Variants in FAM13C observed in about 807,000 individuals in gnomAD.
FAM13C encodes the protein protein FAM13C.
FAM13C carries 37 observed loss-of-function variants against 73.2 expected under a neutral mutation model. The observed-to-expected ratio is 0.51, with a 90% confidence interval of 0.39 to 0.67. FAM13C has a LOEUF of 0.67. FAM13C is among the 30% of genes least tolerant of loss of function. The pLI, the probability that FAM13C is intolerant of heterozygous loss-of-function variation, is 0.00. For synonymous variants in FAM13C, 246 were observed against 260.9 expected (o/e 0.94, Z 0.55); for missense variants, 589 against 715.6 (o/e 0.82, Z 2.02).
chr10:59,352,578 T>C, intron 2 of FAM13C, 104 bp from the exon 3 acceptor site: 3 of 1,282,568 alleles, frequency 2.3e-6, no homozygotes, highest in South Asian at 1.6e-5. Flanking sequence ...ATTTATAGGA[T>C]AGACACCTCG....
rs1840789867 is a variant in FAM13C at position 59,247,274 on chromosome 10, CTAAA to C, written c.*336_*339del. 4.4e-6 allele frequency: 1 copy of C among 225,624 alleles called. No individual in the cohort carries two copies. Among genetic ancestry groups the C allele is most frequent in the East Asian group, 1.4e-4 (1 of 7,006 alleles). The allele number at this position is 225,624 out of a possible 1,614,324, so 14.0% of individuals were successfully genotyped here. On this transcript the variant is annotated 3_prime_UTR_variant, in exon 14 of 14. Transcript: ENST00000618804. ...CATCAACATAAACAGTCTTTGGATA[CTAAA>C]TAAACTTTCCCTAACAAGTGTCCTA...
chr10:59,269,417 T>TACACACACACACACACAC (rs10532470), intron 7 of FAM13C, among the ~76,000 whole-genome samples: 56 of 146,658 alleles, frequency 3.8e-4, no homozygotes, highest in African/African-American at 1.0e-3. Context: ...GGCATCCGAT[T>TACACACACACACACACAC]ACACACACAC....
At chr10:59,360,897 A>G (rs2132238162) in intron 1 of FAM13C, 1 of 379,810 alleles carries the variant, frequency 2.6e-6, no homozygotes, top group Admixed American at 3.9e-5. Flanking sequence ...TGAAATCTGG[A>G]GCTAAGTGTC....
chr10:59,347,579 C>T (rs1042924808), intron 3 of FAM13C, among the ~76,000 whole-genome samples: 8 of 151,832 alleles, frequency 5.3e-5, no homozygotes, highest in African/African-American at 1.9e-4. Context: ...GCAGAATGTG[C>T]AATTTTGTTA....
chr10:59,346,184 C>A (rs951862784), intron 3 of FAM13C, among the ~76,000 whole-genome samples: 2 of 127,194 alleles, frequency 1.6e-5, no homozygotes, highest in African/African-American at 5.6e-5. Context: ...AAAACATAAT[C>A]TTAGTTCTTT....
At chr10:59,279,359 G>C (rs900908640) in intron 6 of FAM13C, among the ~76,000 whole-genome samples, 1 of 152,168 alleles carries the variant, frequency 6.6e-6, no homozygotes, top group Non-Finnish European at 1.5e-5. Flanking sequence ...CTTTGGAAGA[G>C]ACCTATAGAT....
chr10:59,341,956 G>A (rs137964056), intron 3 of FAM13C, among the ~76,000 whole-genome samples: 1 of 152,252 alleles, frequency 6.6e-6, no homozygotes, highest in Non-Finnish European at 1.5e-5. Context: ...AGTTTTCAAA[G>A]CCACAGTGTT....
chr10:59,328,430 GC>G (rs1406839324), intron 3 of FAM13C, among the ~76,000 whole-genome samples: 1 of 152,142 alleles, frequency 6.6e-6, no homozygotes, highest in Non-Finnish European at 1.5e-5. Flanking sequence ...AAATGGCATG[GC>G]CATTGCTTCA....
chr10:59,296,438 A>G (rs1196000994), intron 5 of FAM13C, among the ~76,000 whole-genome samples: 2 of 152,236 alleles, frequency 1.3e-5, no homozygotes, highest in African/African-American at 4.8e-5. Context: ...GACCAGCATA[A>G]TTGAACAGAT....
At chr10:59,337,323 A>G (rs1449869067) in intron 3 of FAM13C, among the ~76,000 whole-genome samples, 1 of 152,264 alleles carries the variant, frequency 6.6e-6, no homozygotes, top group Non-Finnish European at 1.5e-5. Flanking sequence ...GCAGACTTCC[A>G]GAAGCTGGAA....
chr10:59,299,019 T>C (rs1564545473), intron 5 of FAM13C, among the ~76,000 whole-genome samples: 1 of 152,060 alleles, frequency 6.6e-6, no homozygotes, highest in East Asian at 1.9e-4. Flanking sequence ...AAGTTTCAGT[T>C]AGAAAGGATA....
intron 10 of FAM13C, among the ~76,000 whole-genome samples, chr10:59,260,525 T>C (rs183031569): frequency 8.8e-4 from 134 of 152,334 alleles, no homozygotes; most frequent in African/African-American, 3.1e-3. Flanking sequence ...CTGATTCTTC[T>C]TTAAATGTCA....
chr10:59,350,447 C>T (rs189254910), intron 3 of FAM13C, among the ~76,000 whole-genome samples: 29 of 152,336 alleles, frequency 1.9e-4, no homozygotes, highest in Non-Finnish European at 4.0e-4. Context: ...AAGGTCAGCA[C>T]ATCCCTGGGA....
At chr10:59,249,408 G>A (rs200152333) in intron 13 of FAM13C, among the ~76,000 whole-genome samples, 3,271 of 99,208 alleles carry the variant, frequency 0.033, no homozygotes, top group Middle Eastern at 0.048. Context: ...CGTCTCAAAA[G>A]AAAAAAAAAA....
At chr10:59,337,140 T>C (rs528762497) in intron 3 of FAM13C, among the ~76,000 whole-genome samples, 1 of 152,258 alleles carries the variant, frequency 6.6e-6, no homozygotes, top group Non-Finnish European at 1.5e-5. Flanking sequence ...GCACTTTATT[T>C]GTAATTCTAT....
chr10:59,327,667 T>C (rs1313961688), intron 3 of FAM13C: 1 of 151,396 alleles, frequency 6.6e-6, no homozygotes, highest in Non-Finnish European at 1.5e-5. Context: ...GAATCGGCTG[T>C]AACATTCGGC....
chr10:59,258,783 T>A (rs1316379462), intron 10 of FAM13C, among the ~76,000 whole-genome samples: 1 of 152,204 alleles, frequency 6.6e-6, no homozygotes. Context: ...CCTTTATCTC[T>A]AAGTCTACTG....
At chr10:59,283,740 A>G in intron 5 of FAM13C, 2 of 558,162 alleles carry the variant, frequency 3.6e-6, no homozygotes, top group Non-Finnish European at 6.4e-6. Context: ...TCTGTGACAC[A>G]TGGGACTGGT....
Position 59,248,432 on chromosome 10 carries a change from G to A in FAM13C, c.1635-695C>T, listed in dbSNP as rs1243128687. Among the ~76,000 whole-genome samples the A allele has an allele frequency of 8.5e-5, 13 of 152,116 alleles. No homozygotes were observed. The South Asian group carries it at 2.7e-3, about 32-fold the overall frequency. ...GCAGCATACTCTTGCTGTTTACTTG[G>A]AAGAATAACTTGGTAATATCAGGAG... On this transcript the variant is annotated intron_variant, in intron 13 of 13. Coordinates refer to ENST00000618804, the MANE Select transcript of FAM13C (RefSeq NM_198215.4).
Sources: gnomAD v4.1 joint callset for allele counts (sites outside exome capture counted in the v4.1 genomes callset) on GRCh38, gnomAD v4.1.1 for gene constraint, MANE v1.5 for transcripts, NCBI Gene and HGNC (gene_info 2026-07-23, HGNC 2026-07-21) for gene names.